Variants in FREM3 observed in about 807,000 individuals in gnomAD.
FREM3 encodes the protein FRAS1-related extracellular matrix protein 3.
Under a neutral mutation model 129.1 loss-of-function variants are expected in FREM3, and 105 were observed. The observed-to-expected ratio is 0.81, with a 90% CI of 0.69 to 0.96. FREM3 has a LOEUF of 0.96. FREM3 is among the 40% of genes least tolerant of loss of function. The pLI is 0.00. For missense variants in FREM3, 2,593 were observed against 2,666.3 expected, an observed-to-expected ratio of 0.97 and a Z score of 0.61; for synonymous variants, 1,014 against 1,044.9, an observed-to-expected ratio of 0.97 and a Z score of 0.57.
intron 2 of FREM3, among the ~76,000 whole-genome samples, chr4:143,653,671 T>C (rs1203144665): frequency 6.6e-6 from 1 of 152,232 alleles, no homozygotes; most frequent in Non-Finnish European, 1.5e-5. Context: ...GAAGTGTACA[T>C]GGGGCTTATC....
chr4:143,673,576 A>G (rs542406932), intron 2 of FREM3, among the ~76,000 whole-genome samples: 1 of 152,280 alleles, frequency 6.6e-6, no homozygotes, highest in African/African-American at 2.4e-5. Flanking sequence ...CCGTTCTCAG[A>G]TCTCAAACTC....
chr4:143,625,913 A>T (rs1372462345), intron 3 of FREM3, among the ~76,000 whole-genome samples: 2 of 152,194 alleles, frequency 1.3e-5, no homozygotes, highest in African/African-American at 2.4e-5. Flanking sequence ...ATTATTACGA[A>T]TTCCCCTCAA....
chr4:143,669,950 C>T (rs1739937440), intron 2 of FREM3, among the ~76,000 whole-genome samples: 1 of 152,072 alleles, frequency 6.6e-6, no homozygotes, highest in South Asian at 2.1e-4. Flanking sequence ...TCAAGTAGTC[C>T]ACTCTGTCTA....
intron 2 of FREM3, 44 bp from the exon 3 acceptor site, chr4:143,627,804 A>G: frequency 7.4e-7 from 1 of 1,348,526 alleles, no homozygotes; most frequent in Non-Finnish European, 1.0e-6. Flanking sequence ...GGAGTATTTG[A>G]TGGCAATATT....
intron 2 of FREM3, among the ~76,000 whole-genome samples, chr4:143,643,025 A>G (rs1739349199): frequency 6.6e-6 from 1 of 152,232 alleles, no homozygotes; most frequent in African/African-American, 2.4e-5. Flanking sequence ...AGTGTTTAAT[A>G]TCACTAATTA....
intron 2 of FREM3, among the ~76,000 whole-genome samples, chr4:143,632,706 A>G (rs988574727): frequency 6.6e-6 from 1 of 152,144 alleles, no homozygotes; most frequent in Admixed American, 6.6e-5. Flanking sequence ...TCCCTCACCT[A>G]TAGCAGGAAT....
chr4:143,638,186 T>C (rs1253581851), intron 2 of FREM3, among the ~76,000 whole-genome samples: 3 of 152,178 alleles, frequency 2.0e-5, no homozygotes, highest in Non-Finnish European at 2.9e-5. Context: ...TTAGATTCTT[T>C]TGCATGCCTC....
chr4:143,580,355 C>T lies in FREM3; in HGVS notation c.6179-2503G>A, dbSNP rs147934227. Among the ~76,000 whole-genome samples the T allele has an allele frequency of 8.8e-3, 1,337 of 152,180 alleles. 10 individuals carry two copies. The highest frequency in any genetic ancestry group is 0.038 in the Middle Eastern group (11 of 292). On this transcript the variant is annotated intron_variant, in intron 7 of 7. Coordinates refer to ENST00000329798, the MANE Select transcript of FREM3 (RefSeq NM_001168235.2). The stretch of plus-strand genomic sequence containing the variant: ...CCCCACCGTGGGTAAATGGTGAGTG[C>T]GACCCTCCTGGGACCCACAGTTCTT...
At chr4:143,620,125 C>A (rs192005330) in intron 5 of FREM3, among the ~76,000 whole-genome samples, 3 of 152,320 alleles carry the variant, frequency 2.0e-5, no homozygotes, top group African/African-American at 7.2e-5. Context: ...CTGCCAGCTT[C>A]CCTAATTTCT....
chr4:143,674,410 A>G (rs1158226359), intron 2 of FREM3, among the ~76,000 whole-genome samples: 1 of 152,218 alleles, frequency 6.6e-6, no homozygotes, highest in Non-Finnish European at 1.5e-5. Flanking sequence ...ATGGAAGGGA[A>G]CAACCGGTAC....
chr4:143,639,974 G>A (rs79066527), intron 2 of FREM3, among the ~76,000 whole-genome samples: 27 of 152,086 alleles, frequency 1.8e-4, no homozygotes, highest in African/African-American at 3.4e-4. Context: ...CCTCTCCATC[G>A]TCTCCTACCT....
chr4:143,636,221 A>G lies in FREM3; in HGVS notation c.5276-8461T>C, dbSNP rs1286738477. Among the ~76,000 whole-genome samples the G allele has an allele frequency of 6.6e-5, 10 of 151,760 alleles. No homozygotes were observed. In the South Asian group the frequency reaches 1.9e-3, roughly 28 times the overall value. ...ATGTCCTAATGTTCTAAAGAAAAAA[A>G]AAGAAAGGAAAACATATAACCTCAT... On this transcript the variant is annotated intron_variant, in intron 2 of 7. Transcript: ENST00000329798.
intron 2 of FREM3, among the ~76,000 whole-genome samples, chr4:143,647,879 G>A (rs527548257): frequency 6.6e-6 from 1 of 152,276 alleles, no homozygotes; most frequent in South Asian, 2.1e-4. Context: ...TGATTAAACG[G>A]TGAGAAGAAG....
At chr4:143,578,574 T>C (rs926235660) in intron 7 of FREM3, among the ~76,000 whole-genome samples, 35 of 152,336 alleles carry the variant, frequency 2.3e-4, no homozygotes, top group African/African-American at 7.9e-4. Context: ...TGGCAGATAC[T>C]ACCTTACCCA....
chr4:143,686,030 G>A (rs543782888), intron 2 of FREM3, among the ~76,000 whole-genome samples: 3 of 152,092 alleles, frequency 2.0e-5, no homozygotes, highest in South Asian at 4.1e-4. Flanking sequence ...ATACAGAACC[G>A]CAGAATGGAT....
chr4:143,664,281 G>C (rs75603335), intron 2 of FREM3, among the ~76,000 whole-genome samples: 1 of 152,108 alleles, frequency 6.6e-6, no homozygotes, highest in African/African-American at 2.4e-5. Flanking sequence ...TGTCCTTTCT[G>C]TTTGTTAGTT....
At chr4:143,653,093 T>C (rs1409062470) in intron 2 of FREM3, among the ~76,000 whole-genome samples, 1 of 152,168 alleles carries the variant, frequency 6.6e-6, no homozygotes, top group Non-Finnish European at 1.5e-5. Context: ...ATGGCTCTGA[T>C]ATAATTATTA....
At chr4:143,620,026 T>C (rs1162889921) in intron 5 of FREM3, among the ~76,000 whole-genome samples, 3 of 152,200 alleles carry the variant, frequency 2.0e-5, no homozygotes, top group Non-Finnish European at 4.4e-5. Context: ...AAGAGAACTC[T>C]GACCCACAAT....
intron 2 of FREM3, among the ~76,000 whole-genome samples, chr4:143,638,883 G>A (rs1420493044): frequency 6.6e-6 from 1 of 152,104 alleles, no homozygotes; most frequent in Non-Finnish European, 1.5e-5. Context: ...TGACTGCCCA[G>A]GTGAGTGCCA....
Sources: allele counts gnomAD v4.1 joint callset (sites outside exome capture counted in the v4.1 genomes callset), GRCh38; gene constraint gnomAD v4.1.1; transcripts MANE v1.5; gene names NCBI Gene and HGNC (gene_info 2026-07-23, HGNC 2026-07-21).